The following FCRL2 variants were observed in gnomAD, a reference collection of about 807,000 sequenced individuals.
FCRL2 encodes Fc receptor like 2, also known as Fc receptor-like protein 2.
FCRL2 carries 48 observed loss-of-function variants against 59.8 expected under a neutral mutation model. The ratio of observed to expected loss-of-function variants is 0.80; its 90% confidence interval spans 0.64 to 1.02. The LOEUF (loss-of-function observed/expected upper bound fraction) is 1.02, where lower values mean the gene tolerates loss of function less well. FCRL2 is among the 50% of genes least tolerant of loss of function. FCRL2 has a pLI of 0.00. For missense variants in FCRL2, 658 were observed against 597.3 expected, an observed-to-expected ratio of 1.10 and a Z score of -1.06; for synonymous variants, 251 against 229.5, an observed-to-expected ratio of 1.09 and a Z score of -0.85.
rs543706325 is a variant in FCRL2 at position 157,766,574 on chromosome 1, C to T, written c.1279+281G>A. The T allele has an allele frequency of 2.0e-5, 9 of 456,270 alleles. No individual in the cohort carries two copies. In the South Asian group the frequency reaches 4.7e-4, roughly 24 times the overall value. 28.3% of individuals were successfully genotyped at this position (456,270 alleles called of 1,614,324 possible). On this transcript the variant is annotated intron_variant, in intron 7 of 11. Coordinates refer to ENST00000361516, the MANE Select transcript of FCRL2 (RefSeq NM_030764.4). ...ATATCTATTGAAAATTACTAAATGG[C>T]AATTAAGAATTAGACTTTTCATTTT...
intron 7 of FCRL2, among the ~76,000 whole-genome samples, chr1:157,762,480 G>T (rs1271011118): frequency 2.0e-5 from 3 of 152,066 alleles, no homozygotes; most frequent in Non-Finnish European, 4.4e-5. Context: ...GAATTATTGG[G>T]GTCCCAGATG....
At chr1:157,765,302 T>G (rs570134096) in intron 7 of FCRL2, among the ~76,000 whole-genome samples, 5 of 152,256 alleles carry the variant, frequency 3.3e-5, no homozygotes, top group African/African-American at 1.2e-4. Flanking sequence ...CCATTAATAA[T>G]CAGCTTTCTA....
intron 9 of FCRL2, 45 bp from the exon 10 acceptor site, chr1:157,748,663 T>C: frequency 2.0e-6 from 3 of 1,523,984 alleles, no homozygotes; most frequent in Non-Finnish European, 2.7e-6. Flanking sequence ...TGGCCCAGGG[T>C]TCACACTTCA....
rs1264756724 is a variant in FCRL2 at position 157,745,765 on chromosome 1, AC to A, written c.*970del. On this transcript the variant is annotated 3_prime_UTR_variant, in exon 12 of 12. Transcript: ENST00000361516. The stretch of plus-strand genomic sequence containing the variant: ...TATTTACATTTTATTCTATATACTT[AC>A]AAAAGTAATATCATAGTTTATTGCA... The A allele has an allele frequency of 6.6e-6, 1 of 152,216 alleles. No homozygotes were observed. The highest frequency in any genetic ancestry group is 2.4e-5 in the African/African-American group (1 of 41,458). 9.4% of individuals were successfully genotyped at this position (152,216 alleles called of 1,614,324 possible). A position where few individuals can be genotyped will look rare whatever the true frequency, so the allele number is the denominator to read the frequency against.
intron 5 of FCRL2, 82 bp downstream of exon 5, chr1:157,768,322 CCCTGGGGCCT>C (rs1649686636): frequency 7.3e-7 from 1 of 1,372,480 alleles, no homozygotes; most frequent in South Asian, 1.4e-5. Flanking sequence ...CAGCACTAAT[CCCTGGGGCCT>C]CCTGAAATTT....
intron 7 of FCRL2, among the ~76,000 whole-genome samples, chr1:157,750,804 C>A (rs371611385): frequency 5.3e-4 from 81 of 152,284 alleles, no homozygotes; most frequent in African/African-American, 1.9e-3. Flanking sequence ...ATGTTTCCAG[C>A]AATTCCTTCT....
In FCRL2 at chr1:157,748,867, A is replaced by G. The variant is rs1338679998; in HGVS notation, c.1393+8T>C. ...AGCCTCAGAGCCCTTCCCAGTGGAG[A>G]CACTCACCATTGACATACACTGGCT... is the stretch of plus-strand genomic sequence containing the variant. On this transcript the variant is annotated splice_region_variant and intron_variant, in intron 9 of 11. Coordinates refer to ENST00000361516, the MANE Select transcript of FCRL2 (RefSeq NM_030764.4). 1 of 1,611,912 alleles carries G rather than the reference A, an allele frequency of 6.2e-7. No homozygotes were observed. The highest frequency in any genetic ancestry group is 2.2e-5 in the East Asian group (1 of 44,888).
chr1:157,769,657 G>A, intron 4 of FCRL2: 1 of 506,756 alleles, frequency 2.0e-6, no homozygotes, highest in Admixed American at 3.2e-5. Flanking sequence ...TCTATCTCCT[G>A]ACCTCATGAT....
Position 157,765,587 on chromosome 1 carries a change from A to T in FCRL2, c.1279+1268T>A, listed in dbSNP as rs547599033. Among the ~76,000 whole-genome samples the T allele has an allele frequency of 6.6e-5, 10 of 152,358 alleles. No individual in the cohort carries two copies. In the South Asian group the frequency reaches 2.1e-3, roughly 32 times the overall value. The stretch of plus-strand genomic sequence containing the variant: ...TCAGGGAGAAAAACCTAACTTCTGA[A>T]ATCACTTGTTCCATGGAGCATTTGC... On this transcript the variant is annotated intron_variant, in intron 7 of 11. Coordinates refer to ENST00000361516, the MANE Select transcript of FCRL2 (RefSeq NM_030764.4).
At chr1:157,760,678 G>GGAAGGAAGGAAA (rs1557860249) in intron 7 of FCRL2, among the ~76,000 whole-genome samples, 39 of 70,594 alleles carry the variant, frequency 5.5e-4, no homozygotes, top group African/African-American at 2.3e-3. Context: ...AAGGAAGGAA[G>GGAAGGAAGGAAA]GAAAGAAAGA....
chr1:157,770,326 G>A, intron 3 of FCRL2, 83 bp downstream of exon 3: 1 of 1,510,404 alleles, frequency 6.6e-7, no homozygotes, highest in East Asian at 2.3e-5. Flanking sequence ...TAGCCCATGA[G>A]CAGCTTTCCC....
chr1:157,768,559 G>T lies in FCRL2; in HGVS notation c.738C>A (p.Thr246=), dbSNP rs764743327. 6.2e-7 allele frequency: 1 copy of T among 1,614,146 alleles called. No homozygotes were observed. The highest frequency in any genetic ancestry group is 1.1e-5 in the South Asian group (1 of 91,074). ...TFSWYREATG[T]SMGKKTQRSL... is the part of the protein sequence containing the mutation. ...AACGCTGGGTTTTCTTTCCCATACTGGTTCCTGTGGCCTCTCTGTACCAGG... is the reference window on the plus strand; with the variant it reads ...AACGCTGGGTTTTCTTTCCCATACTTGTTCCTGTGGCCTCTCTGTACCAGG... Residue 246 remains threonine, a synonymous_variant, in exon 5 of 12, where the codon ACC becomes ACA. Coordinates refer to ENST00000361516, the MANE Select transcript of FCRL2 (RefSeq NM_030764.4).
In FCRL2 at chr1:157,758,811, T is replaced by G. The variant is rs534472586; in HGVS notation, c.1279+8044A>C. Reference sequence around the variant, plus strand: ...ACAACCATCTGATCTTCTACAAAGCTGATAAACACAAGCAATGGGGAAAGG... The same window carrying G: ...ACAACCATCTGATCTTCTACAAAGCGGATAAACACAAGCAATGGGGAAAGG... On this transcript the variant is annotated intron_variant, in intron 7 of 11. Transcript: ENST00000361516. 3.3e-5 allele frequency among the ~76,000 whole-genome samples: 5 copies of G among 152,036 alleles called. No homozygotes were observed. In the East Asian group the frequency reaches 9.7e-4, roughly 29 times the overall value.
intron 7 of FCRL2, among the ~76,000 whole-genome samples, chr1:157,760,465 A>T (rs1431407170): frequency 6.6e-6 from 1 of 151,622 alleles, no homozygotes; most frequent in Non-Finnish European, 1.5e-5. Context: ...TCTTCTAAAA[A>T]AAAAATACAA....
At chr1:157,776,894 T>A in intron 1 of FCRL2, 149 bp downstream of exon 1, 1 of 735,054 alleles carries the variant, frequency 1.4e-6, no homozygotes, top group Non-Finnish European at 2.4e-6. Flanking sequence ...CTCAGCCTAC[T>A]TCTTTGCATC....
At chr1:157,758,312 A>C (rs1648755469) in intron 7 of FCRL2, among the ~76,000 whole-genome samples, 1 of 152,206 alleles carries the variant, frequency 6.6e-6, no homozygotes, top group African/African-American at 2.4e-5. Flanking sequence ...AAAGAAGCGT[A>C]ATATCAGACT....
At chr1:157,763,258 CA>C (rs1649238972) in intron 7 of FCRL2, among the ~76,000 whole-genome samples, 2 of 152,212 alleles carry the variant, frequency 1.3e-5, no homozygotes, top group African/African-American at 4.8e-5. Flanking sequence ...TGCCGTGGCT[CA>C]TGCCTGTAAT....
At chr1:157,764,229 T>TAAC (rs1557862901) in intron 7 of FCRL2, among the ~76,000 whole-genome samples, 2 of 149,168 alleles carry the variant, frequency 1.3e-5, no homozygotes, top group African/African-American at 5.0e-5. Flanking sequence ...AAATAAATAA[T>TAAC]GGTGAAAAAA....
chr1:157,749,064 C>T, intron 8 of FCRL2, 104 bp from the exon 9 acceptor site: 2 of 947,470 alleles, frequency 2.1e-6, no homozygotes, highest in Admixed American at 2.1e-5. Context: ...GCAGCCATGG[C>T]TCTCTGCTTG....
Sources: allele counts gnomAD v4.1 joint callset (sites outside exome capture counted in the v4.1 genomes callset), GRCh38; gene constraint gnomAD v4.1.1; transcripts MANE v1.5; gene names NCBI Gene and HGNC (gene_info 2026-07-23, HGNC 2026-07-21).